TTLL1: variants seen among roughly 807,000 people sequenced by gnomAD.
TTLL1 encodes polyglutamylase complex subunit TTLL1.
Under a neutral mutation model 47.8 loss-of-function variants are expected in TTLL1, and 33 were observed. That is an observed-to-expected ratio of 0.69 (90% confidence interval 0.52 to 0.92). The LOEUF (loss-of-function observed/expected upper bound fraction) is 0.92, where lower values mean the gene tolerates loss of function less well. Ranked by LOEUF, TTLL1 falls within the 40% of genes least tolerant of loss-of-function variation. The probability of loss-of-function intolerance (pLI) is 0.00; values close to 1 mark genes in which losing one functional copy is unlikely to be tolerated. For missense variants in TTLL1, 488 were observed against 547.5 expected, an observed-to-expected ratio of 0.89 and a Z score of 1.08; for synonymous variants, 225 against 214.1, an observed-to-expected ratio of 1.05 and a Z score of -0.45.
intron 7 of TTLL1, among the ~76,000 whole-genome samples, chr22:43,063,476 TTTC>T (rs1207455644): frequency 6.6e-6 from 1 of 151,862 alleles, no homozygotes; most frequent in Non-Finnish European, 1.5e-5. Flanking sequence ...TTTTTTTTTT[TTTC>T]TTTTGAGACA....
chr22:43,066,823 C>T (rs1032278650), intron 5 of TTLL1, among the ~76,000 whole-genome samples: 5 of 151,568 alleles, frequency 3.3e-5, no homozygotes, highest in Non-Finnish European at 5.9e-5. Context: ...AACCCCATCT[C>T]TACTAAAAAT....
chr22:43,042,960 G>A (rs1167204810), intron 10 of TTLL1, among the ~76,000 whole-genome samples: 1 of 138,758 alleles, frequency 7.2e-6, no homozygotes, highest in Non-Finnish European at 1.5e-5. Context: ...TTTTTTTTGA[G>A]GCAGACTTTC....
chr22:43,046,394 T>TCA lies in TTLL1; in HGVS notation c.1142+14_1142+15dup. On this transcript the variant is annotated intron_variant, in intron 10 of 10. Transcript: ENST00000266254. ...GAAACACAGAAGGACAAGCGCACAG[T>TCA]CACACACACACTTACAGAATCTCGT... The TCA allele has an allele frequency of 1.2e-6, 2 of 1,613,336 alleles. No individual in the cohort carries two copies. The highest frequency in any genetic ancestry group is 1.1e-5 in the South Asian group (1 of 91,020).
intron 7 of TTLL1, among the ~76,000 whole-genome samples, chr22:43,062,328 T>C (rs534012930): frequency 6.6e-6 from 1 of 151,226 alleles, no homozygotes; most frequent in African/African-American, 2.4e-5. Context: ...CCATCTCTAC[T>C]AAAAATACAA....
intron 3 of TTLL1, among the ~76,000 whole-genome samples, chr22:43,073,021 C>CTT (rs907361570): frequency 2.8e-5 from 4 of 145,034 alleles, no homozygotes; most frequent in African/African-American, 7.6e-5. Flanking sequence ...TGCAATTATT[C>CTT]TTTTTTTTTT....
intron 3 of TTLL1, among the ~76,000 whole-genome samples, chr22:43,073,774 C>G (rs1480302062): frequency 6.6e-6 from 1 of 151,804 alleles, no homozygotes; most frequent in Non-Finnish European, 1.5e-5. Context: ...TTCTGTAAAC[C>G]TGATTGTACA....
At chr22:43,054,488 G>A (rs943916493) in intron 8 of TTLL1, among the ~76,000 whole-genome samples, 7 of 148,904 alleles carry the variant, frequency 4.7e-5, no homozygotes, top group Middle Eastern at 3.6e-3. Context: ...ACAATGGCAC[G>A]GTCTCGGCTG....
rs778162792 is a variant in TTLL1, at chr22:43,046,616, T to G, written c.979-43A>C. The G allele has an allele frequency of 1.9e-6, 3 of 1,600,028 alleles. No individual in the cohort carries two copies. In the East Asian group the frequency reaches 6.7e-5, roughly 36 times the overall value. ...CATGTTCCTCACCTGTGTCTCTCGC[T>G]CTTTTGGAATGAAAATGTGCACTGC... On this transcript the variant is annotated intron_variant, in intron 9 of 10. Transcript: ENST00000266254.
At chr22:43,066,248 G>T (rs1452651654) in intron 5 of TTLL1, among the ~76,000 whole-genome samples, 1 of 151,854 alleles carries the variant, frequency 6.6e-6, no homozygotes, top group Non-Finnish European at 1.5e-5. Context: ...CTGGCAACAC[G>T]CTCCCGGCCT....
At position 43,039,816 on chromosome 22, in the gene TTLL1, G is replaced by C. The variant is rs116153895; in HGVS notation, c.1232C>G (p.Ser411Trp). 9 of 1,613,818 alleles carry C rather than the reference G, an allele frequency of 5.6e-6. No homozygotes were observed. Among genetic ancestry groups the C allele is most frequent in the South Asian group, 5.5e-5 (5 of 91,062 alleles). ...GAGGACCGCTCTCCCCGAGTCTCTC[G>C]ATCGGCCTGCTCTGGGCCCCAGAGA... ...GQSLGPRAGR[S>W]RDSGRAVLTT... is the part of the protein sequence containing the mutation. Residue 411 changes from serine (S) to tryptophan (W), a missense_variant, in exon 11 of 11, where the codon TCG becomes TGG. Coordinates refer to ENST00000266254, the MANE Select transcript of TTLL1 (RefSeq NM_012263.5).
intron 10 of TTLL1, among the ~76,000 whole-genome samples, chr22:43,044,882 A>C (rs1031987077): frequency 6.8e-6 from 1 of 146,364 alleles, no homozygotes; most frequent in Non-Finnish European, 1.5e-5. Flanking sequence ...TTTTTTTTGG[A>C]GACAGAGTCT....
intron 1 of TTLL1, among the ~76,000 whole-genome samples, chr22:43,081,526 C>T (rs1422873523): frequency 1.3e-5 from 2 of 151,906 alleles, no homozygotes; most frequent in East Asian, 1.9e-4. Flanking sequence ...CCCACACACC[C>T]CTTCCATTTT....
At chr22:43,079,697 C>G (rs926238260) in intron 2 of TTLL1, among the ~76,000 whole-genome samples, 2 of 152,240 alleles carry the variant, frequency 1.3e-5, no homozygotes, top group Admixed American at 6.5e-5. Flanking sequence ...GATTCTCACA[C>G]AGTGCTTCCC....
intron 3 of TTLL1, among the ~76,000 whole-genome samples, chr22:43,075,189 C>T (rs148688418): frequency 3.9e-5 from 6 of 152,166 alleles, no homozygotes; most frequent in Non-Finnish European, 5.9e-5. Flanking sequence ...CTATAACGCA[C>T]GCTCACTGGA....
chr22:43,059,309 T>A, intron 8 of TTLL1, 75 bp downstream of exon 8: 5 of 1,538,406 alleles, frequency 3.3e-6, no homozygotes, highest in Non-Finnish European at 4.4e-6. Flanking sequence ...CAGGGATTTT[T>A]AACAGAAAGA....
intron 3 of TTLL1, among the ~76,000 whole-genome samples, chr22:43,071,373 G>C (rs757265073): frequency 4.6e-5 from 7 of 152,046 alleles, no homozygotes; most frequent in Non-Finnish European, 7.4e-5. Flanking sequence ...AGTGGCTCAC[G>C]TCTGTAATCC....
At chr22:43,079,531 G>A (rs796213153) in intron 2 of TTLL1, among the ~76,000 whole-genome samples, 10 of 152,310 alleles carry the variant, frequency 6.6e-5, no homozygotes, top group African/African-American at 1.7e-4. Context: ...TCCTGCTTGC[G>A]GCCTGGGGAC....
At chr22:43,046,371 AAC>A (rs1926125679) in intron 10 of TTLL1, 37 bp downstream of exon 10, 8 of 1,607,164 alleles carry the variant, frequency 5.0e-6, no homozygotes, top group Non-Finnish European at 6.0e-6. Flanking sequence ...GCCATTCGGA[AAC>A]ACAGAAGGAC....
chr22:43,081,245 G>T (rs756414914), intron 1 of TTLL1, among the ~76,000 whole-genome samples: 4 of 151,924 alleles, frequency 2.6e-5, no homozygotes, highest in Non-Finnish European at 5.9e-5. Flanking sequence ...TGTGATGTGG[G>T]CATGCGCATC....
Sources: gnomAD v4.1 joint callset for allele counts (sites outside exome capture counted in the v4.1 genomes callset) on GRCh38, gnomAD v4.1.1 for gene constraint, MANE v1.5 for transcripts, NCBI Gene and HGNC (gene_info 2026-07-23, HGNC 2026-07-21) for gene names.